IKZF3: variants seen among roughly 807,000 people sequenced by gnomAD.
The protein encoded by IKZF3 is zinc finger protein Aiolos.
IKZF3 carries 10 observed loss-of-function variants against 49.0 expected under a neutral mutation model. That is an observed-to-expected ratio of 0.20 (90% confidence interval 0.13 to 0.35). The LOEUF is 0.35. Ranked by LOEUF, IKZF3 falls within the 10% of genes least tolerant of loss-of-function variation. The pLI, the probability that IKZF3 is intolerant of heterozygous loss-of-function variation, is 1.00. For synonymous variants in IKZF3, 209 were observed against 228.2 expected, an observed-to-expected ratio of 0.92 and a Z score of 0.76; for missense variants, 498 against 664.8, an observed-to-expected ratio of 0.75 and a Z score of 2.76.
intron 3 of IKZF3, among the ~76,000 whole-genome samples, chr17:39,821,416 G>T (rs1199374421): frequency 6.6e-6 from 1 of 152,110 alleles, no homozygotes; most frequent in Admixed American, 6.6e-5. Flanking sequence ...AGGAAATTTT[G>T]ATTCCTGAGT....
At chr17:39,782,576 T>C (rs961121686) in intron 6 of IKZF3, among the ~76,000 whole-genome samples, 3 of 152,220 alleles carry the variant, frequency 2.0e-5, no homozygotes, top group African/African-American at 7.2e-5. Flanking sequence ...ACTGTCTATT[T>C]ATACGAACAG....
intron 3 of IKZF3, among the ~76,000 whole-genome samples, chr17:39,811,891 G>C (rs934597265): frequency 1.3e-5 from 2 of 152,156 alleles, no homozygotes; most frequent in Admixed American, 1.3e-4. Context: ...ATAACACCCT[G>C]CCACAATACA....
rs1303262923 is a variant in IKZF3 at position 39,759,158 on chromosome 17, GT to G, written c.*6631del. 6.6e-6 allele frequency: 1 copy of G among 152,192 alleles called. No individual in the cohort carries two copies. The highest frequency in any genetic ancestry group is 2.4e-5 in the African/African-American group (1 of 41,418). 9.4% of individuals were successfully genotyped at this position (152,192 alleles called of 1,614,324 possible). A position where few individuals can be genotyped will look rare whatever the true frequency, so the allele number is the denominator to read the frequency against. On this transcript the variant is annotated 3_prime_UTR_variant, in exon 8 of 8. Transcript: ENST00000346872. ...AGGCCAGCCGCGGTGCCTCACGCCT[GT>G]AACCCCAACACTTTGGGAGGCTGAG...
intron 1 of IKZF3, among the ~76,000 whole-genome samples, chr17:39,847,091 T>C (rs2062654955): frequency 6.6e-6 from 1 of 152,210 alleles, no homozygotes; most frequent in Non-Finnish European, 1.5e-5. Context: ...TTAAAAGTTT[T>C]AGAAATTGAG....
chr17:39,854,385 AG>A (rs940052857), intron 1 of IKZF3, among the ~76,000 whole-genome samples: 8 of 152,146 alleles, frequency 5.3e-5, no homozygotes, highest in African/African-American at 1.9e-4. Context: ...AATGAAAAAC[AG>A]TAATAATAAT....
At position 39,757,931 on chromosome 17, in the gene IKZF3, C is replaced by G. The variant is rs557428781; in HGVS notation, c.*7859G>C. 1.3e-5 allele frequency: 2 copies of G among 152,218 alleles called. No homozygotes were observed. Among genetic ancestry groups the G allele is most frequent in the South Asian group, 4.2e-4 (2 of 4,816 alleles). The allele number at this position is 152,218 out of a possible 1,614,324, so 9.4% of individuals were successfully genotyped here. A position where few individuals can be genotyped will look rare whatever the true frequency, so the allele number is the denominator to read the frequency against. ...TCCAGGTAGAACTCCATAGGAGTGA[C>G]GAGGGAAAGTCACCACTGGGCAGGG... On this transcript the variant is annotated 3_prime_UTR_variant, in exon 8 of 8. Coordinates refer to ENST00000346872, the MANE Select transcript of IKZF3 (RefSeq NM_012481.5).
intron 7 of IKZF3, among the ~76,000 whole-genome samples, chr17:39,768,126 G>A (rs1321160716): frequency 2.6e-5 from 4 of 152,156 alleles, no homozygotes; most frequent in Admixed American, 1.3e-4. Context: ...CACATTTGAG[G>A]CATTTAGGCA....
chr17:39,817,767 C>A (rs889042476), intron 3 of IKZF3, among the ~76,000 whole-genome samples: 1 of 152,104 alleles, frequency 6.6e-6, no homozygotes, highest in Non-Finnish European at 1.5e-5. Flanking sequence ...TTTATAAAAG[C>A]AGGGTCCTGG....
At chr17:39,798,981 TTGTGTGTGTGTGTGCGTG>T in intron 3 of IKZF3, among the ~76,000 whole-genome samples, 1 of 103,304 alleles carries the variant, frequency 9.7e-6, no homozygotes, top group African/African-American at 3.7e-5. Context: ...GCTATACAGA[TTGTGTGTGTGTGTGCGTG>T]TGTGTGTGTG....
At chr17:39,856,261 G>C (rs1360417997) in intron 1 of IKZF3, among the ~76,000 whole-genome samples, 1 of 152,014 alleles carries the variant, frequency 6.6e-6, no homozygotes, top group African/African-American at 2.4e-5. Context: ...TAAAGTACAG[G>C]GAATAAGACA....
At chr17:39,839,581 T>C (rs2062404832) in intron 1 of IKZF3, 1 of 467,802 alleles carries the variant, frequency 2.1e-6, no homozygotes, top group Non-Finnish European at 4.1e-6. Context: ...GAGAGGACTG[T>C]TTCTTTATTT....
chr17:39,836,453 A>G (rs2062285045), intron 1 of IKZF3, among the ~76,000 whole-genome samples: 1 of 152,154 alleles, frequency 6.6e-6, no homozygotes, highest in African/African-American at 2.4e-5. Flanking sequence ...GGGCAGAAAC[A>G]GGGGGAGATT....
At chr17:39,826,270 T>C (rs776799513) in intron 3 of IKZF3, among the ~76,000 whole-genome samples, 10 of 152,188 alleles carry the variant, frequency 6.6e-5, no homozygotes, top group Non-Finnish European at 1.5e-4. Flanking sequence ...CTTGAACTCC[T>C]GAGCTCAAGC....
intron 3 of IKZF3, among the ~76,000 whole-genome samples, chr17:39,825,743 G>T (rs1398564692): frequency 6.6e-6 from 1 of 152,154 alleles, no homozygotes; most frequent in Non-Finnish European, 1.5e-5. Context: ...TTGCTCTTAT[G>T]ATTGAAGGAC....
At chr17:39,838,431 T>C (rs1283661552) in intron 1 of IKZF3, among the ~76,000 whole-genome samples, 1 of 152,234 alleles carries the variant, frequency 6.6e-6, no homozygotes, top group Non-Finnish European at 1.5e-5. Context: ...CTTTTTCAGA[T>C]ATTGTAATTT....
chr17:39,825,084 T>C (rs1308002456), intron 3 of IKZF3, among the ~76,000 whole-genome samples: 1 of 152,182 alleles, frequency 6.6e-6, no homozygotes, highest in South Asian at 2.1e-4. Context: ...TCTGCCATGA[T>C]TGTAAGTTTT....
chr17:39,780,242 C>CAAAA (rs2060704835), intron 6 of IKZF3, among the ~76,000 whole-genome samples: 3 of 105,170 alleles, frequency 2.9e-5, no homozygotes, highest in African/African-American at 9.8e-5. Flanking sequence ...GAGACTCTGT[C>CAAAA]TAAAAAAAAA....
chr17:39,831,575 T>G (rs2062109496), intron 2 of IKZF3, among the ~76,000 whole-genome samples: 1 of 152,188 alleles, frequency 6.6e-6, no homozygotes, highest in Admixed American at 6.5e-5. Context: ...ATCAGTAAAC[T>G]ATGGCCTGAG....
At chr17:39,811,188 G>T (rs1386267230) in intron 3 of IKZF3, among the ~76,000 whole-genome samples, 1 of 148,812 alleles carries the variant, frequency 6.7e-6, no homozygotes, top group Non-Finnish European at 1.5e-5. Flanking sequence ...AGTGAACTGT[G>T]ATTACACCAC....
Sources: gnomAD v4.1 joint callset for allele counts (sites outside exome capture counted in the v4.1 genomes callset) on GRCh38, gnomAD v4.1.1 for gene constraint, MANE v1.5 for transcripts, NCBI Gene and HGNC (gene_info 2026-07-23, HGNC 2026-07-21) for gene names.